Variants in FBXL2 observed in about 807,000 individuals in gnomAD.
FBXL2 encodes F-box and leucine rich repeat protein 2, also known as F-box/LRR-repeat protein 2.
In FBXL2, 38 loss-of-function variants were observed where a neutral mutation model predicts 69.2. The observed-to-expected ratio is 0.55, with a 90% confidence interval of 0.42 to 0.72. FBXL2 has a LOEUF of 0.72. Among genes scored for constraint, FBXL2 ranks in the 30% least tolerant of loss-of-function variants. FBXL2 has a pLI of 0.00. For synonymous variants in FBXL2, 192 were observed against 201.3 expected (o/e 0.95, Z 0.39); for missense variants, 354 against 520.3 (o/e 0.68, Z 3.11).
downstream of FBXL2, chr3:33,392,381 G>T: frequency 1.9e-6 from 1 of 535,190 alleles, no homozygotes; most frequent in Non-Finnish European, 3.2e-6. Context: ...TAGAAAGACT[G>T]ACTCCTCTTC....
downstream of FBXL2, chr3:33,388,651 T>C (rs1341630392): frequency 6.6e-6 from 1 of 152,196 alleles, no homozygotes; most frequent in Non-Finnish European, 1.5e-5. Context: ...ATAAACTCAC[T>C]TCTTTCCCCA....
In FBXL2 at chr3:33,384,177, C is replaced by G; in HGVS notation, c.1140C>G (p.Thr380=). 1 of 1,614,156 alleles carries G rather than the reference C, an allele frequency of 6.2e-7. No individual in the cohort carries two copies. ...RLELYDCQQV[T]RAGIKRMRAQ... ...AGCTGTACGACTGCCAGCAGGTTAC[C>G]CGTGCAGGCATCAAGCGGATGCGGG... Residue 380 remains threonine (T), a synonymous_variant, in exon 14 of 15, where the codon ACC becomes ACG. Coordinates refer to ENST00000484457, the MANE Select transcript of FBXL2 (RefSeq NM_012157.5).
At chr3:33,343,982 T>C (rs966584676) in intron 2 of FBXL2, among the ~76,000 whole-genome samples, 102 of 152,108 alleles carry the variant, frequency 6.7e-4, no homozygotes, top group African/African-American at 2.4e-3. Context: ...AGACAATCTG[T>C]TCTACATAGC....
In FBXL2 at chr3:33,357,882, T is replaced by A. The variant is rs148989660; in HGVS notation, c.66-1085T>A. Among the ~76,000 whole-genome samples, 99 of 152,256 alleles carry A rather than the reference T, an allele frequency of 6.5e-4. 1 individual carries two copies. The highest frequency in any genetic ancestry group is 2.2e-3 in the African/African-American group (91 of 41,570). On this transcript the variant is annotated intron_variant, in intron 2 of 14. Transcript: ENST00000484457. ...GTAGCCCTTATTATGCTTCTATCCTTTGCTTTTCACTAGAAAATGATTGTA... is the reference window on the plus strand; with the variant it reads ...GTAGCCCTTATTATGCTTCTATCCTATGCTTTTCACTAGAAAATGATTGTA...
intron 12 of FBXL2, chr3:33,400,202 G>C: frequency 1.3e-6 from 2 of 1,591,786 alleles, no homozygotes; most frequent in East Asian, 2.3e-5. Context: ...AAAAATTAGA[G>C]AACAGTCTTG....
chr3:33,287,061 A>G (rs934031919), intron 1 of FBXL2, among the ~76,000 whole-genome samples: 3 of 152,086 alleles, frequency 2.0e-5, no homozygotes, highest in Non-Finnish European at 4.4e-5. Flanking sequence ...TGAACCTGGT[A>G]CCTCAGTTGG....
chr3:33,420,385 G>A, the FBXL2 span, among the ~76,000 whole-genome samples: 1 of 151,992 alleles, frequency 6.6e-6, no homozygotes, highest in African/African-American at 2.4e-5. Flanking sequence ...GAGTACAGTG[G>A]TGCAATCTGG....
At position 33,277,443 on chromosome 3, in the gene FBXL2, T is replaced by C; in HGVS notation, c.-70T>C. 8.0e-7 allele frequency: 1 copy of C among 1,252,426 alleles called. No homozygotes were observed. The highest frequency in any genetic ancestry group is 1.0e-6 in the Non-Finnish European group (1 of 992,584). 77.6% of individuals were successfully genotyped at this position (1,252,426 alleles called of 1,614,324 possible). ...GACGGGGCGGGGCGCCTGGCTGGCG[T>C]CACCAGGACAACGGGCGTCGCCGGC... On this transcript the variant is annotated 5_prime_UTR_variant, in exon 1 of 15. Coordinates refer to ENST00000484457, the MANE Select transcript of FBXL2 (RefSeq NM_012157.5).
chr3:33,307,812 C>A (rs1264809713), intron 2 of FBXL2, among the ~76,000 whole-genome samples: 1 of 152,074 alleles, frequency 6.6e-6, no homozygotes, highest in Non-Finnish European at 1.5e-5. Flanking sequence ...TGCAACTTTA[C>A]TGTAAATCAG....
At chr3:33,396,803 C>A in intron 12 of FBXL2, 1 of 655,974 alleles carries the variant, frequency 1.5e-6, no homozygotes, top group Non-Finnish European at 2.8e-6. Context: ...GAAATCAGTA[C>A]TGCCCATGTG....
intron 7 of FBXL2, 27 bp from the exon 8 acceptor site, chr3:33,373,551 A>G (rs781568390): frequency 1.1e-5 from 17 of 1,613,980 alleles, no homozygotes; most frequent in South Asian, 6.6e-5. Flanking sequence ...GAGACTGCAC[A>G]TAAGTTTTTG....
Position 33,400,417 on chromosome 3 carries a change from T to A in FBXL2, n.1215-2817T>A, listed in dbSNP as rs913263263. 12 of 587,040 alleles carry A rather than the reference T, an allele frequency of 2.0e-5. No homozygotes were observed. In the African/African-American group the frequency reaches 2.4e-4, roughly 12 times the overall value. The allele number at this position is 587,040 out of a possible 1,614,324, so 36.4% of individuals were successfully genotyped here. On this transcript the variant is annotated intron_variant and non_coding_transcript_variant, in intron 12 of 12. Transcript: ENST00000463736. ...ATGAGTCTGACTCCAGCAACCCAAATGATGCAGGCCCTTGTCAGAAACTTA... is the reference window on the plus strand; with the variant it reads ...ATGAGTCTGACTCCAGCAACCCAAAAGATGCAGGCCCTTGTCAGAAACTTA...
chr3:33,384,353 G>C, intron 14 of FBXL2, 152 bp downstream of exon 14: 2 of 693,308 alleles, frequency 2.9e-6, no homozygotes, highest in Non-Finnish European at 4.9e-6. Flanking sequence ...TTGAGGTCAG[G>C]AGTTCAAGAC....
rs192447341 is a variant in FBXL2 at position 33,280,446 on chromosome 3, C to T, written c.3+2931C>T. On this transcript the variant is annotated intron_variant, in intron 1 of 14. Coordinates refer to ENST00000484457, the MANE Select transcript of FBXL2 (RefSeq NM_012157.5). ...CTTCAAGGCTGGGCTCAGTGGCTCA[C>T]GCCTGTAATCCCAGCACTTTGGGAG... 1.3e-3 allele frequency among the ~76,000 whole-genome samples: 199 copies of T among 152,230 alleles called. 3 individuals carry two copies. The highest frequency in any genetic ancestry group is 4.6e-3 in the African/African-American group (190 of 41,536).
At chr3:33,287,921 G>A (rs1400713057) in intron 1 of FBXL2, among the ~76,000 whole-genome samples, 1 of 152,162 alleles carries the variant, frequency 6.6e-6, no homozygotes, top group African/African-American at 2.4e-5. Flanking sequence ...GTTGTCTAAT[G>A]ACATCCTGAA....
chr3:33,310,629 T>G (rs533646088), intron 2 of FBXL2, among the ~76,000 whole-genome samples: 2 of 152,252 alleles, frequency 1.3e-5, no homozygotes, highest in African/African-American at 4.8e-5. Flanking sequence ...TCCTTAATTA[T>G]TTTTTGTAAG....
chr3:33,339,676 T>C (rs151003988), intron 2 of FBXL2, among the ~76,000 whole-genome samples: 1 of 151,972 alleles, frequency 6.6e-6, no homozygotes, highest in Non-Finnish European at 1.5e-5. Flanking sequence ...GTAACAAACC[T>C]GCACATGTAC....
intron 2 of FBXL2, among the ~76,000 whole-genome samples, chr3:33,346,149 C>T (rs952788439): frequency 1.3e-5 from 2 of 152,110 alleles, no homozygotes; most frequent in Non-Finnish European, 2.9e-5. Context: ...ATCGCTTAAC[C>T]TGGGAGGCGA....
At chr3:33,383,484 G>C (rs1397434618) in intron 13 of FBXL2, 1 of 174,332 alleles carries the variant, frequency 5.7e-6, no homozygotes, top group Non-Finnish European at 1.3e-5. Flanking sequence ...AGGTCTATTT[G>C]ATTATAACCT....
Sources: gnomAD v4.1 joint callset for allele counts (sites outside exome capture counted in the v4.1 genomes callset) on GRCh38, gnomAD v4.1.1 for gene constraint, MANE v1.5 for transcripts, NCBI Gene and HGNC (gene_info 2026-07-23, HGNC 2026-07-21) for gene names.